TNRC6C: variants seen among roughly 807,000 people sequenced by gnomAD.
TNRC6C encodes trinucleotide repeat-containing gene 6C protein.
Under a neutral mutation model 153.7 loss-of-function variants are expected in TNRC6C, and 20 were observed. The observed-to-expected ratio is 0.13, with a 90% CI of 0.09 to 0.19. TNRC6C has a LOEUF of 0.19. TNRC6C is among the 10% of genes least tolerant of loss of function. The pLI is 1.00. For synonymous variants in TNRC6C, 811 were observed against 841.4 expected (o/e 0.96, Z 0.63); for missense variants, 1,987 against 2,172.0 (o/e 0.91, Z 1.69).
At chr17:78,090,280 C>T (rs1201413741) in intron 13 of TNRC6C, among the ~76,000 whole-genome samples, 1 of 152,184 alleles carries the variant, frequency 6.6e-6, no homozygotes, top group Non-Finnish European at 1.5e-5. Flanking sequence ...TTTATTTAGA[C>T]AGGACAGACA....
chr17:78,022,010 C>T (rs1188834341), intron 1 of TNRC6C, among the ~76,000 whole-genome samples: 1 of 152,144 alleles, frequency 6.6e-6, no homozygotes, highest in Non-Finnish European at 1.5e-5. Context: ...TAGTATCTGG[C>T]TCTTTTCCTG....
At chr17:78,000,907 C>T (rs2071403688), upstream of TNRC6C, among the ~76,000 whole-genome samples, 1 of 152,158 alleles carries the variant, frequency 6.6e-6, no homozygotes, top group African/African-American at 2.4e-5. Context: ...TGGCTGGATT[C>T]TCAGTCTACC....
intron 16 of TNRC6C, 51 bp downstream of exon 18, chr17:78,093,814 T>A: frequency 6.3e-7 from 1 of 1,599,408 alleles, no homozygotes; most frequent in Middle Eastern, 1.7e-4. Context: ...TCTAGACCCA[T>A]TTGGAGATGT....
At chr17:78,068,205 A>G (rs1252214508) in intron 5 of TNRC6C, among the ~76,000 whole-genome samples, 1 of 152,242 alleles carries the variant, frequency 6.6e-6, no homozygotes, top group Non-Finnish European at 1.5e-5. Flanking sequence ...CAGGCATGAA[A>G]ATCCAGCCAT....
chr17:78,045,317 C>A (rs914577237), intron 2 of TNRC6C, among the ~76,000 whole-genome samples: 1 of 152,204 alleles, frequency 6.6e-6, no homozygotes, highest in African/African-American at 2.4e-5. Flanking sequence ...GGCATGACTT[C>A]ATCCTTATGG....
At chr17:78,004,105 T>G, upstream of TNRC6C, 6 of 1,230,374 alleles carry the variant, frequency 4.9e-6, no homozygotes, top group Non-Finnish European at 6.1e-6. Context: ...GAGCAGCTAG[T>G]GCTTTTTCAT....
At chr17:78,008,247 C>A (rs980449758) in intron 1 of TNRC6C, among the ~76,000 whole-genome samples, 4 of 152,158 alleles carry the variant, frequency 2.6e-5, no homozygotes, top group African/African-American at 9.7e-5. Flanking sequence ...CCTACCCTCC[C>A]CCAACAAATT....
chr17:78,085,835 G>T (rs893355244), intron 11 of TNRC6C, among the ~76,000 whole-genome samples: 5 of 140,638 alleles, frequency 3.6e-5, no homozygotes, highest in African/African-American at 1.1e-4. Flanking sequence ...GAATAGGTTG[G>T]TTTTTTGTTT....
chr17:77,995,417 C>G (rs1056256367), intron 1 of TNRC6C, among the ~76,000 whole-genome samples: 1 of 152,182 alleles, frequency 6.6e-6, no homozygotes, highest in Admixed American at 6.5e-5. Flanking sequence ...GAACATCATG[C>G]CAGCTGGCAA....
chr17:78,049,546 C>G lies in TNRC6C; in HGVS notation c.484C>G (p.Pro162Ala). ...CTTGCTGCCACAAGAGAGCACAGAA[C>G]CACAAACGTCCACTTCTCAGAATGT... Residue 162 changes from proline to alanine, a missense_variant, in exon 3 of 20, where the codon CCA (proline) becomes GCA (alanine). Physicochemically the swap from Pro to Ala is conservative, Grantham distance 27 (BLOSUM62 -1). Transcript: ENST00000301624. The surrounding 1 kb of genome is among the most constrained non-coding windows in gnomAD (Gnocchi z 4.1). The G allele has an allele frequency of 6.2e-7, 1 of 1,614,002 alleles. No homozygotes were observed. The highest frequency in any genetic ancestry group is 8.5e-7 in the Non-Finnish European group (1 of 1,179,894).
In TNRC6C at chr17:78,079,401, A is replaced by T; in HGVS notation, c.3217A>T (p.Ser1073Cys). The stretch of plus-strand genomic sequence containing the variant: ...TAATTCTGTCCCTGTGCAGATACCG[A>T]GTGGCAATCTGGGTATGTTTGGCAA... The change falls in exon 10 of 20, where the codon AGT (serine) becomes TGT (cysteine). Residue 1073 changes from serine to cysteine, a missense_variant. By Grantham distance (112) the Ser-to-Cys change is moderately radical (BLOSUM62 -1). Coordinates refer to ENST00000301624, the Ensembl canonical transcript of TNRC6C. The surrounding 1 kb of genome is among the most constrained non-coding windows in gnomAD (Gnocchi z 4.3). 1 of 1,613,832 alleles carries T rather than the reference A, an allele frequency of 6.2e-7. No individual in the cohort carries two copies. Among genetic ancestry groups the T allele is most frequent in the Non-Finnish European group, 8.5e-7 (1 of 1,179,828 alleles).
intron 16 of TNRC6C, among the ~76,000 whole-genome samples, chr17:78,095,243 G>A (rs1290372547): frequency 6.6e-6 from 1 of 152,246 alleles, no homozygotes; most frequent in Non-Finnish European, 1.5e-5. Context: ...TCGCCTGAGT[G>A]TGCCATGGTG....
intron 1 of TNRC6C, among the ~76,000 whole-genome samples, chr17:78,029,851 A>G (rs1023573679): frequency 6.6e-6 from 1 of 151,906 alleles, no homozygotes; most frequent in Non-Finnish European, 1.5e-5. Flanking sequence ...GCCAAGGCCT[A>G]CACGAGGTCA....
intron 4 of TNRC6C, 74 bp downstream of exon 6, chr17:78,065,011 A>G (rs982848546): frequency 6.8e-7 from 1 of 1,465,458 alleles, no homozygotes. Flanking sequence ...TAAAGATTAG[A>G]GTTTTAGGAT....
intron 2 of TNRC6C, among the ~76,000 whole-genome samples, chr17:78,045,906 T>A (rs1298365300): frequency 6.6e-6 from 1 of 151,670 alleles, no homozygotes; most frequent in East Asian, 1.9e-4. Context: ...CCATATTTGC[T>A]TCAGGGCTCT....
At chr17:78,052,735 C>A (rs973443683) in intron 3 of TNRC6C, among the ~76,000 whole-genome samples, 1 of 151,676 alleles carries the variant, frequency 6.6e-6, no homozygotes, top group Non-Finnish European at 1.5e-5. Flanking sequence ...GGCCCTCCAG[C>A]CTCCTCGTAG....
chr17:77,988,514 G>A (rs956634508), intron 1 of TNRC6C, among the ~76,000 whole-genome samples: 14 of 152,022 alleles, frequency 9.2e-5, no homozygotes, highest in African/African-American at 3.1e-4. Flanking sequence ...GATTCCTCCC[G>A]TTAAAAACTC....
intron 1 of TNRC6C, among the ~76,000 whole-genome samples, chr17:77,988,597 T>C (rs908101651): frequency 1.8e-4 from 28 of 152,212 alleles, no homozygotes; most frequent in Admixed American, 5.9e-4. Flanking sequence ...ATAATTAGCA[T>C]TTTTACCACC....
At chr17:77,987,772 C>T (rs1030407880) in intron 1 of TNRC6C, among the ~76,000 whole-genome samples, 5 of 152,184 alleles carry the variant, frequency 3.3e-5, no homozygotes, top group African/African-American at 7.2e-5. Flanking sequence ...CTCTGCCTCC[C>T]GGGTTCAAGC....
Sources: allele counts gnomAD v4.1 joint callset (sites outside exome capture counted in the v4.1 genomes callset), GRCh38; gene constraint gnomAD v4.1.1; non-coding constraint Gnocchi (gnomAD v3.1); transcripts MANE v1.5; gene names NCBI Gene and HGNC (gene_info 2026-07-23, HGNC 2026-07-21).